HEATR5B: variants seen among roughly 807,000 people sequenced by gnomAD.
HEATR5B encodes HEAT repeat-containing protein 5B.
In HEATR5B, 156 loss-of-function variants were observed where a neutral mutation model predicts 224.1. The ratio of observed to expected loss-of-function variants is 0.70; its 90% confidence interval spans 0.61 to 0.80. HEATR5B has a LOEUF of 0.80. Among genes scored for constraint, HEATR5B ranks in the 30% least tolerant of loss-of-function variants. The pLI is 0.00. For missense variants in HEATR5B, 2,323 were observed against 2,535.5 expected, an observed-to-expected ratio of 0.92 and a Z score of 1.80; for synonymous variants, 1,027 against 893.0, an observed-to-expected ratio of 1.15 and a Z score of -2.68.
intron 27 of HEATR5B, among the ~76,000 whole-genome samples, chr2:37,011,747 G>A (rs1439181387): frequency 2.0e-5 from 3 of 152,026 alleles, no homozygotes; most frequent in Admixed American, 6.6e-5. Context: ...ACTTAGCATT[G>A]GGAATCCTAG....
chr2:36,986,662 G>C (rs1269962833), intron 35 of HEATR5B, among the ~76,000 whole-genome samples: 1 of 152,058 alleles, frequency 6.6e-6, no homozygotes, highest in African/African-American at 2.4e-5. Flanking sequence ...CTGTCACCCA[G>C]GCTGGAGCCC....
At chr2:37,059,024 C>G (rs377351184) in intron 12 of HEATR5B, 37 bp from the exon 13 acceptor site, 6 of 1,254,124 alleles carry the variant, frequency 4.8e-6, no homozygotes, top group Non-Finnish European at 6.9e-6. Flanking sequence ...TTTGGAGTAG[C>G]TTTTGTGAAC....
intron 33 of HEATR5B, among the ~76,000 whole-genome samples, chr2:36,999,252 A>G (rs946151807): frequency 6.6e-6 from 1 of 152,126 alleles, no homozygotes; most frequent in Non-Finnish European, 1.5e-5. Flanking sequence ...CCGAAAAAAC[A>G]TAATATCAAC....
intron 27 of HEATR5B, among the ~76,000 whole-genome samples, chr2:37,011,024 TTTAA>T (rs1196389633): frequency 6.6e-6 from 1 of 152,158 alleles, no homozygotes; most frequent in African/African-American, 2.4e-5. Flanking sequence ...AAGATTTGGC[TTTAA>T]TTATTTATCT....
chr2:37,018,258 C>T (rs1558737857), intron 26 of HEATR5B, among the ~76,000 whole-genome samples: 1 of 152,064 alleles, frequency 6.6e-6, no homozygotes, highest in Non-Finnish European at 1.5e-5. Context: ...TATTCATATA[C>T]AAGATACAAT....
At chr2:37,024,443 C>A (rs1299317441) in intron 24 of HEATR5B, among the ~76,000 whole-genome samples, 1 of 152,144 alleles carries the variant, frequency 6.6e-6, no homozygotes, top group Non-Finnish European at 1.5e-5. Context: ...TGTTAATTTG[C>A]TAGATTTAAC....
At chr2:37,084,105 G>A (rs909579389) in intron 1 of HEATR5B, among the ~76,000 whole-genome samples, 164 bp downstream of exon 1, 5 of 152,250 alleles carry the variant, frequency 3.3e-5, no homozygotes, top group African/African-American at 1.2e-4. Flanking sequence ...GCCTCCGTGG[G>A]GTTCCGCAGG....
At chr2:37,049,021 A>G (rs190754499) in intron 18 of HEATR5B, among the ~76,000 whole-genome samples, 1 of 152,320 alleles carries the variant, frequency 6.6e-6, no homozygotes, top group Admixed American at 6.5e-5. Flanking sequence ...GTTCTTGACA[A>G]CCCTTGATTT....
At position 37,065,985 on chromosome 2, in the gene HEATR5B, T is replaced by C. The variant is rs983096707; in HGVS notation, c.1178-75A>G. The C allele has an allele frequency of 6.5e-6, 9 of 1,374,092 alleles. No individual in the cohort carries two copies. In the African/African-American group the frequency reaches 8.6e-5, roughly 13 times the overall value. 85.1% of individuals were successfully genotyped at this position (1,374,092 alleles called of 1,614,324 possible). A position where few individuals can be genotyped will look rare whatever the true frequency, so the allele number is the denominator to read the frequency against. On this transcript the variant is annotated intron_variant, in intron 8 of 35. Coordinates refer to ENST00000233099, the MANE Select transcript of HEATR5B (RefSeq NM_019024.3). ...TGATTTTTTTGGTCTATACAATTTA[T>C]GATTTTAGCCATACCAGTTGATGTC...
intron 2 of HEATR5B, among the ~76,000 whole-genome samples, chr2:37,082,405 A>G (rs1301160078): frequency 6.6e-6 from 1 of 152,124 alleles, no homozygotes; most frequent in Non-Finnish European, 1.5e-5. Context: ...GACAGAATAT[A>G]AAATACACAG....
Position 37,068,802 on chromosome 2 carries a change from G to A in HEATR5B, c.1056C>T (p.Tyr352=). 6.2e-7 allele frequency: 1 copy of A among 1,614,142 alleles called. No homozygotes were observed. The highest frequency in any genetic ancestry group is 8.5e-7 in the Non-Finnish European group (1 of 1,180,026). ...RATQTHVEAV[Y]SRRCVSFILR... is the part of the protein sequence containing the mutation. ...GGATAAAGGAAACACATCGTCTGGA[G>A]TACACAGCCTCCACATGTGTTTGTG... is the stretch of plus-strand genomic sequence containing the variant. The change falls in exon 8 of 36, where the codon TAC becomes TAT. Residue 352 remains tyrosine, a synonymous_variant. Transcript: ENST00000233099.
intron 2 of HEATR5B, among the ~76,000 whole-genome samples, chr2:37,081,584 A>AGTG (rs1672572463): frequency 6.6e-6 from 1 of 152,110 alleles, no homozygotes; most frequent in Admixed American, 6.5e-5. Context: ...TGGAGGTGGG[A>AGTG]GTGAAGTTGT....
intron 35 of HEATR5B, among the ~76,000 whole-genome samples, chr2:36,983,733 AAAAAGTTAATAGTATTAT>A (rs1175566678): frequency 3.3e-5 from 5 of 152,100 alleles, no homozygotes; most frequent in African/African-American, 1.2e-4. Context: ...CTTTCAAAAA[AAAAAGTTAATAGTATTAT>A]AAAAGCTGGC....
At chr2:37,002,265 C>T (rs767301643) in intron 32 of HEATR5B, 41 bp downstream of exon 32, 4 of 1,604,614 alleles carry the variant, frequency 2.5e-6, no homozygotes, top group South Asian at 2.2e-5. Context: ...TCTTTGTCTA[C>T]TGTAATATAA....
intron 24 of HEATR5B, among the ~76,000 whole-genome samples, chr2:37,023,727 G>A (rs541979692): frequency 7.8e-4 from 118 of 152,132 alleles, no homozygotes; most frequent in Non-Finnish European, 2.5e-4. Context: ...GCAGTGAGCC[G>A]AGATCACAGC....
At chr2:37,017,687 CAAAAAAAAAA>C (rs1056240189) in intron 26 of HEATR5B, among the ~76,000 whole-genome samples, 8 of 61,698 alleles carry the variant, frequency 1.3e-4, no homozygotes, top group Non-Finnish European at 2.3e-4. Context: ...AATTCCGTCT[CAAAAAAAAAA>C]AAAAAAAAAA....
intron 24 of HEATR5B, among the ~76,000 whole-genome samples, chr2:37,027,161 C>A (rs368817382): frequency 6.6e-6 from 1 of 151,904 alleles, no homozygotes; most frequent in Non-Finnish European, 1.5e-5. Flanking sequence ...AATGAAATAA[C>A]CCAAAAGGCA....
At position 37,075,642 on chromosome 2, in the gene HEATR5B, T is replaced by G. The variant is rs889210533; in HGVS notation, c.448-8A>C. 6.2e-7 allele frequency: 1 copy of G among 1,603,768 alleles called. No homozygotes were observed. Among genetic ancestry groups the G allele is most frequent in the East Asian group, 2.2e-5 (1 of 44,600 alleles). ...TTCACTTCGCCCTTGAGACTAGACA[T>G]GTATACAAAACAAAACTATTTTGTA... On this transcript the variant is annotated splice_polypyrimidine_tract_variant and splice_region_variant and intron_variant, in intron 4 of 35. Transcript: ENST00000233099.
At chr2:36,995,238 T>C (rs1666618391) in intron 33 of HEATR5B, among the ~76,000 whole-genome samples, 3 of 151,848 alleles carry the variant, frequency 2.0e-5, no homozygotes, top group Non-Finnish European at 4.4e-5. Context: ...TACAGGCACA[T>C]GCCACCACAC....
Sources: gnomAD v4.1 joint callset for allele counts (sites outside exome capture counted in the v4.1 genomes callset) on GRCh38, gnomAD v4.1.1 for gene constraint, MANE v1.5 for transcripts, NCBI Gene and HGNC (gene_info 2026-07-23, HGNC 2026-07-21) for gene names.